The following CPNE8 variants were observed in gnomAD, a reference collection of about 807,000 sequenced individuals.
CPNE8 encodes the protein copine-8.
CPNE8 carries 45 observed loss-of-function variants against 81.5 expected under a neutral mutation model. The observed-to-expected ratio is 0.55, with a 90% CI of 0.44 to 0.71. The LOEUF (loss-of-function observed/expected upper bound fraction) is 0.71, where lower values mean the gene tolerates loss of function less well. Among genes scored for constraint, CPNE8 ranks in the 30% least tolerant of loss-of-function variants. The probability of loss-of-function intolerance (pLI) is 0.00; values close to 1 mark genes in which losing one functional copy is unlikely to be tolerated. For synonymous variants in CPNE8, 252 were observed against 226.3 expected, an observed-to-expected ratio of 1.11 and a Z score of -1.02; for missense variants, 594 against 672.1, an observed-to-expected ratio of 0.88 and a Z score of 1.28.
chr12:38,661,330 C>A (rs1938948065), intron 19 of CPNE8, among the ~76,000 whole-genome samples: 1 of 152,024 alleles, frequency 6.6e-6, no homozygotes, highest in Non-Finnish European at 1.5e-5. Flanking sequence ...AAGCTGGAAA[C>A]CATCATTCTG....
intron 17 of CPNE8, chr12:38,676,117 AAAAAAAAAAAAATT>A (rs1477206611): frequency 2.5e-6 from 1 of 397,570 alleles, no homozygotes; most frequent in Non-Finnish European, 3.4e-6. Flanking sequence ...GCCTGTCTAA[AAAAAAAAAAAAATT>A]AAAAAAGAAA....
chr12:38,765,026 G>A (rs559997440), intron 8 of CPNE8, among the ~76,000 whole-genome samples: 2 of 152,284 alleles, frequency 1.3e-5, no homozygotes, highest in East Asian at 3.9e-4. Context: ...ACCAGCTGCA[G>A]TAATTAAATA....
At chr12:38,724,364 GA>G (rs1565584888) in intron 12 of CPNE8, among the ~76,000 whole-genome samples, 1 of 125,144 alleles carries the variant, frequency 8.0e-6, no homozygotes, top group Non-Finnish European at 1.8e-5. Flanking sequence ...GGATGATATT[GA>G]TTTTTTTTAT....
chr12:38,836,023 G>A (rs1185010608), intron 5 of CPNE8, among the ~76,000 whole-genome samples: 1 of 151,996 alleles, frequency 6.6e-6, no homozygotes, highest in South Asian at 2.1e-4. Context: ...CACCAATTAT[G>A]GGCCTGTCAT....
chr12:38,835,937 G>A (rs1943372293), intron 5 of CPNE8, among the ~76,000 whole-genome samples: 1 of 152,052 alleles, frequency 6.6e-6, no homozygotes, highest in Non-Finnish European at 1.5e-5. Context: ...GGATTGCCTT[G>A]TCTGTATGAA....
chr12:38,770,393 A>G (rs1045172412), intron 7 of CPNE8, among the ~76,000 whole-genome samples: 3 of 152,162 alleles, frequency 2.0e-5, no homozygotes, highest in African/African-American at 7.2e-5. Flanking sequence ...CTCTGCTGCC[A>G]CCACCTCAGT....
intron 16 of CPNE8, 42 bp downstream of exon 16, chr12:38,685,448 T>C: frequency 6.3e-7 from 1 of 1,598,066 alleles, no homozygotes; most frequent in Non-Finnish European, 8.5e-7. Context: ...TTCACCATGT[T>C]CCAGTACATC....
chr12:38,770,968 C>T (rs1025906389), intron 7 of CPNE8, among the ~76,000 whole-genome samples: 2 of 152,094 alleles, frequency 1.3e-5, no homozygotes, highest in Non-Finnish European at 2.9e-5. Flanking sequence ...TCTCTCTTTC[C>T]CACAAACTAT....
intron 6 of CPNE8, among the ~76,000 whole-genome samples, chr12:38,780,782 A>G (rs1395335909): frequency 6.6e-6 from 1 of 152,100 alleles, no homozygotes; most frequent in Non-Finnish European, 1.5e-5. Flanking sequence ...AGCATAAACT[A>G]TAGATACTTT....
In CPNE8 at chr12:38,653,114, T is replaced by C. The variant is rs1938736008; in HGVS notation, c.*768A>G. 1 of 152,376 alleles carries C rather than the reference T, an allele frequency of 6.6e-6. No homozygotes were observed. Among genetic ancestry groups the C allele is most frequent in the African/African-American group, 2.4e-5 (1 of 41,456 alleles). 9.4% of individuals were successfully genotyped at this position (152,376 alleles called of 1,614,324 possible). ...AAAGTATTTTCTGTGCATTTATAGA[T>C]CACAATGTTTGACTTTTTATAATTT... is the stretch of plus-strand genomic sequence containing the variant. On this transcript the variant is annotated 3_prime_UTR_variant, in exon 20 of 20. Coordinates refer to ENST00000331366, the MANE Select transcript of CPNE8 (RefSeq NM_153634.3).
chr12:38,857,986 A>G (rs1943771389), intron 3 of CPNE8, among the ~76,000 whole-genome samples: 1 of 152,228 alleles, frequency 6.6e-6, no homozygotes, highest in African/African-American at 2.4e-5. Flanking sequence ...TTTACTTTGG[A>G]AAACATGTAA....
In CPNE8 at chr12:38,653,680, AT is replaced by A. The variant is rs200309786; in HGVS notation, c.*201del. ...ATACTTTGCTTCAAGCATTTAAACA[AT>A]TTTTTCTGTTGCTCATGCAACAACC... On this transcript the variant is annotated 3_prime_UTR_variant, in exon 20 of 20. Coordinates refer to ENST00000331366, the MANE Select transcript of CPNE8 (RefSeq NM_153634.3). 1.7e-6 allele frequency: 1 copy of A among 587,634 alleles called. No homozygotes were observed. The highest frequency in any genetic ancestry group is 2.6e-6 in the Non-Finnish European group (1 of 391,534). The allele number at this position is 587,634 out of a possible 1,614,324, so 36.4% of individuals were successfully genotyped here. A position where few individuals can be genotyped will look rare whatever the true frequency, so the allele number is the denominator to read the frequency against.
chr12:38,779,127 C>A (rs1252564077), intron 6 of CPNE8, among the ~76,000 whole-genome samples: 1 of 152,030 alleles, frequency 6.6e-6, no homozygotes, highest in African/African-American at 2.4e-5. Flanking sequence ...AACCAAACAC[C>A]CTGACTGAGC....
At chr12:38,801,813 A>C (rs1942679172) in intron 6 of CPNE8, among the ~76,000 whole-genome samples, 1 of 105,638 alleles carries the variant, frequency 9.5e-6, no homozygotes, top group Non-Finnish European at 1.9e-5. Context: ...ATGGAGGAAG[A>C]TCTACCAAGC....
At chr12:38,675,944 AC>A (rs1033554687) in intron 17 of CPNE8, among the ~76,000 whole-genome samples, 170 bp from the exon 18 acceptor site, 15 of 151,382 alleles carry the variant, frequency 9.9e-5, no homozygotes, top group African/African-American at 2.7e-4. Context: ...ACATAGTGAG[AC>A]CCCATCTACA....
At chr12:38,905,719 G>A, upstream of CPNE8, 5 of 1,434,894 alleles carry the variant, frequency 3.5e-6, no homozygotes, top group Non-Finnish European at 3.7e-6. Context: ...CGAGGGAACC[G>A]CTAGCCAGTC....
Position 38,685,534 on chromosome 12 carries a change from T to G in CPNE8, c.1227A>C (p.Leu409=), listed in dbSNP as rs769290248. The change falls in exon 16 of 20, where the codon CTA becomes CTC. Residue 409 remains leucine, a synonymous_variant. Transcript: ENST00000331366. ...AYYRSLKSVQ[L]YGPTNFAPVI... Reference sequence around the variant, plus strand: ...CAGGAGCAAAGTTGGTGGGCCCATATAGTTGTACAGATTTCAGACTCCTGT... The same window carrying G: ...CAGGAGCAAAGTTGGTGGGCCCATAGAGTTGTACAGATTTCAGACTCCTGT... 4 of 1,613,622 alleles carry G rather than the reference T, an allele frequency of 2.5e-6. No individual in the cohort carries two copies. In the South Asian group the frequency reaches 4.4e-5, roughly 18 times the overall value.
intron 16 of CPNE8, among the ~76,000 whole-genome samples, chr12:38,682,861 C>T (rs1309102163): frequency 6.6e-6 from 1 of 152,126 alleles, no homozygotes; most frequent in Admixed American, 6.6e-5. Flanking sequence ...TGGTTGAATA[C>T]TGGATGTTCT....
intron 15 of CPNE8, among the ~76,000 whole-genome samples, chr12:38,691,887 A>C (rs1479501590): frequency 1.3e-5 from 2 of 152,196 alleles, no homozygotes; most frequent in African/African-American, 4.8e-5. Context: ...CAGACTAACT[A>C]GCTCTTAAAG....
Sources: gnomAD v4.1 joint callset for allele counts (sites outside exome capture counted in the v4.1 genomes callset) on GRCh38, gnomAD v4.1.1 for gene constraint, MANE v1.5 for transcripts, NCBI Gene and HGNC (gene_info 2026-07-23, HGNC 2026-07-21) for gene names.